Variants in SKAP2 observed in about 807,000 individuals in gnomAD.
The protein encoded by SKAP2 is src kinase associated phosphoprotein 2.
Under a neutral mutation model 54.9 loss-of-function variants are expected in SKAP2, and 28 were observed. The observed-to-expected ratio is 0.51, with a 90% CI of 0.38 to 0.70. The LOEUF is 0.70. SKAP2 is among the 30% of genes least tolerant of loss of function. The pLI is 0.00. For missense variants in SKAP2, 356 were observed against 424.1 expected (o/e 0.84, Z 1.41); for synonymous variants, 137 against 134.3 (o/e 1.02, Z -0.14).
At chr7:26,726,405 A>C (rs1754426099) in intron 7 of SKAP2, among the ~76,000 whole-genome samples, 1 of 152,156 alleles carries the variant, frequency 6.6e-6, no homozygotes, top group Admixed American at 6.5e-5. Context: ...CAGATATTTA[A>C]AACTTATTAA....
intron 4 of SKAP2, chr7:26,742,483 T>C (rs1236077758): frequency 6.6e-6 from 1 of 152,110 alleles, no homozygotes; most frequent in Non-Finnish European, 1.5e-5. Flanking sequence ...AATATACACA[T>C]AGCCTGAGTC....
At chr7:26,676,108 T>C (rs1584324076) in intron 11 of SKAP2, among the ~76,000 whole-genome samples, 1 of 152,344 alleles carries the variant, frequency 6.6e-6, no homozygotes, top group East Asian at 1.9e-4. Context: ...AATAGTGCAC[T>C]TAGGTACTTA....
intron 3 of SKAP2, among the ~76,000 whole-genome samples, chr7:26,852,175 T>C (rs761141845): frequency 6.6e-6 from 1 of 151,966 alleles, no homozygotes; most frequent in African/African-American, 2.4e-5. Context: ...AAAGGGAAAA[T>C]GTAAGGTGGA....
At chr7:26,755,104 A>G (rs1003441492) in intron 4 of SKAP2, among the ~76,000 whole-genome samples, 2 of 152,208 alleles carry the variant, frequency 1.3e-5, no homozygotes, top group Admixed American at 1.3e-4. Context: ...GAAAAACAAA[A>G]TTTACAAATA....
chr7:26,719,706 T>C (rs1379109726), intron 9 of SKAP2, among the ~76,000 whole-genome samples: 2 of 152,178 alleles, frequency 1.3e-5, no homozygotes, highest in Admixed American at 6.5e-5. Flanking sequence ...ACAAGATGGA[T>C]AGAATTTCAA....
intron 4 of SKAP2, among the ~76,000 whole-genome samples, chr7:26,773,039 A>G (rs180930597): frequency 1.4e-4 from 22 of 152,342 alleles, no homozygotes; most frequent in Admixed American, 5.2e-4. Flanking sequence ...ACATTCCCAC[A>G]TAAGATGAAG....
chr7:26,746,580 G>C (rs1188448769), intron 4 of SKAP2: 2 of 149,236 alleles, frequency 1.3e-5, no homozygotes, highest in African/African-American at 2.5e-5. Context: ...CATGGCACAG[G>C]TTAAAGAAGT....
At chr7:26,745,196 T>C (rs1782535973) in intron 4 of SKAP2, among the ~76,000 whole-genome samples, 1 of 152,198 alleles carries the variant, frequency 6.6e-6, no homozygotes, top group Non-Finnish European at 1.5e-5. Flanking sequence ...AAAGTTTCCT[T>C]TTCCCTTATA....
At chr7:26,657,949 T>C in the SKAP2 span, among the ~76,000 whole-genome samples, 3 of 152,206 alleles carry the variant, frequency 2.0e-5, no homozygotes, top group East Asian at 5.8e-4. Context: ...CACAGGAAAG[T>C]GAACAATATA....
intron 1 of SKAP2, among the ~76,000 whole-genome samples, chr7:26,862,065 G>T (rs1302584350): frequency 6.6e-6 from 1 of 151,866 alleles, no homozygotes; most frequent in Non-Finnish European, 1.5e-5. Context: ...CAAAGAAATA[G>T]ACTAAATAAG....
intron 1 of SKAP2, among the ~76,000 whole-genome samples, chr7:26,864,083 A>ACACACACACACC (rs1491218322): frequency 1.4e-5 from 2 of 147,300 alleles, no homozygotes; most frequent in South Asian, 2.2e-4. Context: ...ACACACACAC[A>ACACACACACACC]CCGTCTTCAC....
At chr7:26,763,878 G>A (rs1782986050) in intron 4 of SKAP2, among the ~76,000 whole-genome samples, 1 of 152,076 alleles carries the variant, frequency 6.6e-6, no homozygotes, top group Non-Finnish European at 1.5e-5. Flanking sequence ...TAACACAATG[G>A]TAACTACTTG....
intron 4 of SKAP2, among the ~76,000 whole-genome samples, chr7:26,767,525 C>T (rs4722637): frequency 0.34 from 51,960 of 151,906 alleles, 9,969 homozygotes; most frequent in East Asian, 0.59. Context: ...TTTGTTCTTG[C>T]TTCTCTAGTT....
intron 4 of SKAP2, among the ~76,000 whole-genome samples, chr7:26,756,412 G>A (rs1433703336): frequency 6.6e-6 from 1 of 152,128 alleles, no homozygotes; most frequent in Non-Finnish European, 1.5e-5. Context: ...TCACCTATGA[G>A]TGAGAACATG....
At chr7:26,825,883 T>C (rs948676312) in intron 4 of SKAP2, among the ~76,000 whole-genome samples, 1 of 152,174 alleles carries the variant, frequency 6.6e-6, no homozygotes, top group Non-Finnish European at 1.5e-5. Context: ...TTTTATTCTC[T>C]CTATACACAT....
intron 4 of SKAP2, among the ~76,000 whole-genome samples, chr7:26,773,495 A>G (rs1242834189): frequency 1.3e-5 from 2 of 152,238 alleles, no homozygotes; most frequent in African/African-American, 4.8e-5. Context: ...AGTTTAATAA[A>G]GCGATTCTAC....
At chr7:26,770,805 A>G (rs972097155) in intron 4 of SKAP2, among the ~76,000 whole-genome samples, 10 of 152,144 alleles carry the variant, frequency 6.6e-5, no homozygotes, top group South Asian at 6.2e-4. Context: ...ACCAGTCCCA[A>G]TGAGATAAGC....
In SKAP2 at chr7:26,826,973, G is replaced by A. The variant is rs375108971; in HGVS notation, c.307+17057C>T. 3.6e-3 allele frequency among the ~76,000 whole-genome samples: 552 copies of A among 152,088 alleles called. 2 individuals carry two copies. The highest frequency in any genetic ancestry group is 6.8e-3 in the Middle Eastern group (2 of 294). On this transcript the variant is annotated intron_variant, in intron 4 of 12. Transcript: ENST00000345317. ...TTAGAAAAGAAATCCTATTTTAAGC[G>A]TATTAGGGGATTATAACATACATAG...
At chr7:26,733,544 T>C (rs1223018756) in intron 6 of SKAP2, among the ~76,000 whole-genome samples, 3 of 152,098 alleles carry the variant, frequency 2.0e-5, no homozygotes, top group African/African-American at 7.2e-5. Flanking sequence ...AAGAGAAATA[T>C]GATGCTTTTT....
Sources: gnomAD v4.1 joint callset for allele counts (sites outside exome capture counted in the v4.1 genomes callset) on GRCh38, gnomAD v4.1.1 for gene constraint, MANE v1.5 for transcripts, NCBI Gene and HGNC (gene_info 2026-07-23, HGNC 2026-07-21) for gene names.